Variants in C1orf141 observed in about 807,000 individuals in gnomAD.
C1orf141 encodes uncharacterized protein C1orf141.
C1orf141 carries 19 observed loss-of-function variants against 23.2 expected under a neutral mutation model. The observed-to-expected ratio is 0.82, with a 90% CI of 0.57 to 1.20. The LOEUF is 1.20. Ranked by LOEUF, C1orf141 falls within the 50% of genes most tolerant of loss-of-function variation. The probability of loss-of-function intolerance (pLI) is 0.00; values close to 1 mark genes in which losing one functional copy is unlikely to be tolerated. For synonymous variants in C1orf141, 153 were observed against 154.6 expected (o/e 0.99, Z 0.08); for missense variants, 469 against 455.1 (o/e 1.03, Z -0.28).
At position 67,095,272 on chromosome 1, in the gene C1orf141, AC is replaced by A; in HGVS notation, c.565del (p.Val189SerfsTer9). 2 of 1,598,482 alleles carry A rather than the reference AC, an allele frequency of 1.3e-6. No individual in the cohort carries two copies. Among genetic ancestry groups the A allele is most frequent in the Non-Finnish European group, 1.7e-6 (2 of 1,173,210 alleles). On this transcript the variant is annotated frameshift_variant, in exon 7 of 8. Transcript: ENST00000684719. LOFTEE classifies it low-confidence loss of function (END_TRUNC). Reference sequence around the variant, plus strand: ...TACTGTCTTTGTTGGACTAACGTTGACTATCTTGGCATGTGGATTTTTCAAT... The same window carrying A: ...TACTGTCTTTGTTGGACTAACGTTGATATCTTGGCATGTGGATTTTTCAAT... Reference protein sequence around the residue: ...DELKNPHAKIVNVSPTKTVTS... With the variant: ...DELKNPHAKIXNVSPTKTVTS...
chr1:67,114,300 A>T (rs1646142232), intron 5 of C1orf141, among the ~76,000 whole-genome samples: 1 of 152,206 alleles, frequency 6.6e-6, no homozygotes, highest in African/African-American at 2.4e-5. Context: ...AAAAAAAAAA[A>T]AAATCTTTTC....
At chr1:67,129,797 C>T (rs1034926064) in intron 2 of C1orf141, among the ~76,000 whole-genome samples, 2 of 152,196 alleles carry the variant, frequency 1.3e-5, no homozygotes, top group Non-Finnish European at 2.9e-5. Context: ...ATTTTGCCCA[C>T]AGCCTTCACT....
rs377205767 is a variant in C1orf141, at chr1:67,099,788, A to T, written c.347-3467T>A. 4.6e-5 allele frequency among the ~76,000 whole-genome samples: 7 copies of T among 152,340 alleles called. No homozygotes were observed. In the East Asian group the frequency reaches 1.2e-3, roughly 25 times the overall value. ...TGAAACTCTGTCTCAAAAGAAATAA[A>T]TAAGTAAACCACAAATGGCAGGATA... On this transcript the variant is annotated intron_variant, in intron 5 of 7. Transcript: ENST00000684719.
Position 67,095,435 on chromosome 1 carries a change from C to G in C1orf141, c.417-14G>C. The G allele has an allele frequency of 2.1e-6, 3 of 1,460,934 alleles. No individual in the cohort carries two copies. Among genetic ancestry groups the G allele is most frequent in the Non-Finnish European group, 2.8e-6 (3 of 1,078,150 alleles). 90.5% of individuals were successfully genotyped at this position (1,460,934 alleles called of 1,614,324 possible). ...GGAGATTTTTTTCTGAAAATAAACA[C>G]AGTTCAGGGTAGTGTTCATGGGGCT... is the stretch of plus-strand genomic sequence containing the variant. On this transcript the variant is annotated splice_polypyrimidine_tract_variant and intron_variant, in intron 6 of 7. Coordinates refer to ENST00000684719, the MANE Select transcript of C1orf141 (RefSeq NM_001276351.2).
chr1:67,127,124 C>G, intron 3 of C1orf141, 42 bp downstream of exon 3: 2 of 1,281,496 alleles, frequency 1.6e-6, no homozygotes, highest in Middle Eastern at 1.9e-4. Context: ...AAATGTTAAC[C>G]TGTTAATGAT....
intron 5 of C1orf141, among the ~76,000 whole-genome samples, chr1:67,107,636 C>A (rs1645961341): frequency 6.6e-6 from 1 of 152,202 alleles, no homozygotes; most frequent in South Asian, 2.1e-4. Context: ...CGCCTGTAAT[C>A]CCCGCACTTT....
At chr1:67,105,978 A>T (rs945983441) in intron 5 of C1orf141, among the ~76,000 whole-genome samples, 25 of 152,104 alleles carry the variant, frequency 1.6e-4, no homozygotes, top group African/African-American at 6.0e-4. Context: ...TGCATGAGAG[A>T]CTCCTATGTG....
chr1:67,111,010 C>G (rs182530248), intron 5 of C1orf141, among the ~76,000 whole-genome samples: 343 of 151,306 alleles, frequency 2.3e-3, no homozygotes, highest in African/African-American at 7.7e-3. Context: ...TAATTTATCT[C>G]TATAGTTCCC....
chr1:67,120,714 A>C (rs1015679780), intron 4 of C1orf141, among the ~76,000 whole-genome samples: 35 of 152,266 alleles, frequency 2.3e-4, no homozygotes, highest in African/African-American at 8.4e-4. Context: ...CCAGACACTG[A>C]TCTTGGACTT....
chr1:67,094,791 G>T (rs1645634197), intron 7 of C1orf141: 1 of 153,194 alleles, frequency 6.5e-6, no homozygotes, highest in Non-Finnish European at 1.5e-5. Flanking sequence ...TAGAAAAATT[G>T]ACACATGGTC....
At chr1:67,127,676 C>A (rs1646442366) in intron 2 of C1orf141, among the ~76,000 whole-genome samples, 1 of 151,874 alleles carries the variant, frequency 6.6e-6, no homozygotes, top group African/African-American at 2.4e-5. Flanking sequence ...ACTCTGTCAC[C>A]CAGGCTGGAG....
chr1:67,093,609 A>G lies in C1orf141; in HGVS notation c.604-5T>C. On this transcript the variant is annotated splice_region_variant and splice_polypyrimidine_tract_variant and intron_variant, in intron 7 of 7. Transcript: ENST00000684719. ...GGGATTTGTGTCCTTTTGTTCCTGT[A>G]GATTAAAGAAAAGAATAATTAGTCA... is the stretch of plus-strand genomic sequence containing the variant. The G allele has an allele frequency of 6.6e-7, 1 of 1,526,700 alleles. No individual in the cohort carries two copies. Among genetic ancestry groups the G allele is most frequent in the African/African-American group, 1.4e-5 (1 of 71,884 alleles). 94.6% of individuals were successfully genotyped at this position (1,526,700 alleles called of 1,614,324 possible). A position where few individuals can be genotyped will look rare whatever the true frequency, so the allele number is the denominator to read the frequency against.
At chr1:67,109,196 T>C (rs542597581) in intron 5 of C1orf141, among the ~76,000 whole-genome samples, 1 of 151,914 alleles carries the variant, frequency 6.6e-6, no homozygotes, top group African/African-American at 2.4e-5. Context: ...GCATGGTGGC[T>C]GACGCCTGTA....
rs567953689 is a variant in C1orf141, at chr1:67,134,955, G to C, written c.-129C>G. ...CTCATCTCCTTTCCTCCCTCTTCTG[G>C]CTCCGCGGGTTACTCGCCCCGCCCC... On this transcript the variant is annotated 5_prime_UTR_variant, in exon 1 of 8. Transcript: ENST00000684719. 6.6e-6 allele frequency: 1 copy of C among 152,304 alleles called. No individual in the cohort carries two copies. The highest frequency in any genetic ancestry group is 2.1e-4 in the South Asian group (1 of 4,804). The allele number at this position is 152,304 out of a possible 1,614,324, so 9.4% of individuals were successfully genotyped here.
intron 5 of C1orf141, among the ~76,000 whole-genome samples, chr1:67,105,327 A>C (rs1253386136): frequency 6.5e-4 from 4 of 6,172 alleles, no homozygotes; most frequent in Non-Finnish European, 1.1e-3. Flanking sequence ...CTATTTCTCA[A>C]AAAAAAAAAA....
chr1:67,137,493 G>A (rs757593168), upstream of C1orf141, among the ~76,000 whole-genome samples: 5 of 152,148 alleles, frequency 3.3e-5, no homozygotes, highest in Admixed American at 2.0e-4. Context: ...GGCATAATCG[G>A]TTGATTAACC....
upstream of C1orf141, among the ~76,000 whole-genome samples, chr1:67,135,897 G>A (rs1646580710): frequency 7.1e-5 from 1 of 14,120 alleles, no homozygotes; most frequent in Non-Finnish European, 1.3e-4. Context: ...AGTGGCAATG[G>A]CAAAACTGCA....
chr1:67,105,913 A>C (rs1645916638), intron 5 of C1orf141, among the ~76,000 whole-genome samples: 2 of 152,186 alleles, frequency 1.3e-5, no homozygotes, highest in African/African-American at 4.8e-5. Flanking sequence ...GAGCTGCTGG[A>C]AAGTGAGAAA....
chr1:67,113,857 G>C (rs1025459961), intron 5 of C1orf141: 3 of 417,594 alleles, frequency 7.2e-6, no homozygotes, highest in Non-Finnish European at 1.4e-5. Context: ...ACCTTAAAAG[G>C]CTAGATTGAA....
Sources: allele counts gnomAD v4.1 joint callset (sites outside exome capture counted in the v4.1 genomes callset), GRCh38; gene constraint gnomAD v4.1.1; transcripts MANE v1.5; gene names NCBI Gene and HGNC (gene_info 2026-07-23, HGNC 2026-07-21).